XYLT1: variants seen among roughly 807,000 people sequenced by gnomAD.
The protein encoded by XYLT1 is beta-D-xylosyltransferase 1.
Under a neutral mutation model 91.3 loss-of-function variants are expected in XYLT1, and 36 were observed. The observed-to-expected ratio is 0.39, with a 90% confidence interval of 0.30 to 0.52. XYLT1 has a LOEUF of 0.52. Ranked by LOEUF, XYLT1 falls within the 20% of genes least tolerant of loss-of-function variation. XYLT1 has a pLI of 0.68. For synonymous variants in XYLT1, 588 were observed against 532.0 expected (o/e 1.11, Z -1.45); for missense variants, 1,242 against 1,284.5 (o/e 0.97, Z 0.51).
intron 8 of XYLT1, among the ~76,000 whole-genome samples, chr16:17,135,899 T>C (rs1207815943): frequency 6.6e-6 from 1 of 152,264 alleles, no homozygotes; most frequent in Non-Finnish European, 1.5e-5. Flanking sequence ...GTGTTCCAAC[T>C]AAACTTCATT....
intron 1 of XYLT1, among the ~76,000 whole-genome samples, chr16:17,428,332 T>C (rs1358917346): frequency 1.3e-5 from 2 of 152,086 alleles, no homozygotes; most frequent in African/African-American, 4.8e-5. Context: ...AGCTTGAGGG[T>C]GCAGCACAAG....
Position 17,117,885 on chromosome 16 carries a change from C to T in XYLT1, c.2318G>A (p.Gly773Glu), listed in dbSNP as rs1429553608. The stretch of plus-strand genomic sequence containing the variant: ...GGTCACGGTCACATTAGGTCCCTTC[C>T]CCCACTTCTGCATACCCACCGGCTC... ...MDEPVGMQKW[G>E]KGPNVTVTVI... The change falls in exon 11 of 12, where the codon GGG becomes GAG. Residue 773 changes from glycine (G) to glutamate (E), a missense_variant. Around this residue, in one of 3 missense-constraint regions of XYLT1, gnomAD observed 511 missense variants for 497.0 expected, o/e 1.03. Coordinates refer to ENST00000261381, the MANE Select transcript of XYLT1 (RefSeq NM_022166.4). 6.2e-7 allele frequency: 1 copy of T among 1,614,078 alleles called. No homozygotes were observed. The highest frequency in any genetic ancestry group is 8.5e-7 in the Non-Finnish European group (1 of 1,180,026).
At chr16:17,447,680 GAA>G (rs2036610197) in intron 1 of XYLT1, among the ~76,000 whole-genome samples, 1 of 152,192 alleles carries the variant, frequency 6.6e-6, no homozygotes. Context: ...GATGCTCTTG[GAA>G]AAAGAGTTTC....
intron 3 of XYLT1, among the ~76,000 whole-genome samples, chr16:17,240,458 C>T (rs1338799805): frequency 2.6e-5 from 4 of 152,164 alleles, no homozygotes; most frequent in African/African-American, 7.2e-5. Flanking sequence ...AGGCAGGGAG[C>T]GGGTATGAGA....
chr16:17,154,972 G>A (rs2031370237), intron 6 of XYLT1, among the ~76,000 whole-genome samples: 1 of 152,186 alleles, frequency 6.6e-6, no homozygotes, highest in Non-Finnish European at 1.5e-5. Flanking sequence ...TTTTACCAGG[G>A]CTGGTCTGGA....
intron 9 of XYLT1, among the ~76,000 whole-genome samples, chr16:17,132,665 G>A (rs1405165748): frequency 6.6e-6 from 1 of 152,210 alleles, no homozygotes; most frequent in Non-Finnish European, 1.5e-5. Context: ...CACTTAGGGA[G>A]GCTGAAGCGG....
chr16:17,280,274 C>T (rs1221118720), intron 2 of XYLT1, among the ~76,000 whole-genome samples: 1 of 152,148 alleles, frequency 6.6e-6, no homozygotes, highest in Non-Finnish European at 1.5e-5. Flanking sequence ...CGCTTGAACC[C>T]AGGAGGAAGA....
At chr16:17,166,108 C>T (rs1028257508) in intron 5 of XYLT1, among the ~76,000 whole-genome samples, 1 of 152,194 alleles carries the variant, frequency 6.6e-6, no homozygotes, top group Non-Finnish European at 1.5e-5. Flanking sequence ...TCTGGGTTCC[C>T]CAAAGGACCA....
chr16:17,256,200 G>A (rs2033628582), intron 3 of XYLT1, among the ~76,000 whole-genome samples: 1 of 152,106 alleles, frequency 6.6e-6, no homozygotes, highest in Admixed American at 6.6e-5. Flanking sequence ...ATGAGTGTAG[G>A]TGGCCACCTC....
intron 1 of XYLT1, among the ~76,000 whole-genome samples, chr16:17,394,702 T>A (rs990555226): frequency 6.6e-6 from 1 of 152,230 alleles, no homozygotes; most frequent in Admixed American, 6.5e-5. Context: ...CCAGCAGTGC[T>A]ACTGACCAGC....
intron 3 of XYLT1, among the ~76,000 whole-genome samples, chr16:17,254,996 C>CTTTTTTTT (rs34553607): frequency 1.2e-4 from 14 of 113,344 alleles, no homozygotes; most frequent in East Asian, 2.2e-4. Flanking sequence ...TTTTCTTTTT[C>CTTTTTTTT]TTTTTTTTTT....
intron 1 of XYLT1, among the ~76,000 whole-genome samples, chr16:17,380,907 G>C (rs989004623): frequency 6.6e-6 from 1 of 152,212 alleles, no homozygotes; most frequent in Non-Finnish European, 1.5e-5. Context: ...AGTTACAAAA[G>C]GACAAATACT....
At chr16:17,382,092 T>C (rs1377574112) in intron 1 of XYLT1, among the ~76,000 whole-genome samples, 1 of 151,868 alleles carries the variant, frequency 6.6e-6, no homozygotes, top group Non-Finnish European at 1.5e-5. Flanking sequence ...CCCTCAATTG[T>C]CATTGGACAC....
intron 7 of XYLT1, 133 bp downstream of exon 7, chr16:17,141,020 C>A: frequency 1.2e-6 from 1 of 863,700 alleles, no homozygotes. Context: ...GCTAAGACAG[C>A]AAGGATGTCT....
At chr16:17,243,155 A>G (rs927143716) in intron 3 of XYLT1, among the ~76,000 whole-genome samples, 10 of 152,246 alleles carry the variant, frequency 6.6e-5, no homozygotes, top group Admixed American at 6.5e-4. Context: ...TTTATTGAGC[A>G]CTTTCTAGAG....
intron 1 of XYLT1, among the ~76,000 whole-genome samples, chr16:17,459,939 C>T (rs548794228): frequency 2.6e-5 from 4 of 152,302 alleles, no homozygotes; most frequent in South Asian, 2.1e-4. Context: ...CAGACAACCC[C>T]GTCTGAACAC....
intron 3 of XYLT1, among the ~76,000 whole-genome samples, chr16:17,234,589 T>C (rs1354360536): frequency 1.3e-5 from 2 of 151,448 alleles, no homozygotes; most frequent in African/African-American, 4.8e-5. Flanking sequence ...ACTACTCTTT[T>C]TTTTTTTTTG....
intron 1 of XYLT1, among the ~76,000 whole-genome samples, chr16:17,396,794 C>G (rs1411386486): frequency 2.6e-5 from 4 of 152,100 alleles, no homozygotes; most frequent in Non-Finnish European, 1.5e-5. Context: ...TGGCTTGAAC[C>G]CAGGAGGTGC....
intron 4 of XYLT1, among the ~76,000 whole-genome samples, chr16:17,199,277 C>T (rs865778102): frequency 6.6e-6 from 1 of 152,176 alleles, no homozygotes; most frequent in South Asian, 2.1e-4. Flanking sequence ...CCAATAGAAA[C>T]CTCAGGGACA....
Sources: gnomAD v4.1 joint callset for allele counts (sites outside exome capture counted in the v4.1 genomes callset) on GRCh38, gnomAD v4.1.1 for gene constraint, gnomAD v4.1.1 regional missense constraint, MANE v1.5 for transcripts, NCBI Gene and HGNC (gene_info 2026-07-23, HGNC 2026-07-21) for gene names.